The following CACNG2 variants were observed in gnomAD, a reference collection of about 807,000 sequenced individuals.
CACNG2 encodes the protein calcium voltage-gated channel auxiliary subunit gamma 2.
A neutral mutation model predicts 25.9 loss-of-function variants in CACNG2; 3 were observed. That is an observed-to-expected ratio of 0.12 (90% CI 0.05 to 0.30). CACNG2 has a LOEUF of 0.30. Among genes scored for constraint, CACNG2 ranks in the 10% least tolerant of loss-of-function variants. The probability of loss-of-function intolerance (pLI) is 1.00; values close to 1 mark genes in which losing one functional copy is unlikely to be tolerated. For synonymous variants in CACNG2, 167 were observed against 173.3 expected (o/e 0.96, Z 0.29); for missense variants, 341 against 432.5 (o/e 0.79, Z 1.88).
chr22:36,591,004 C>G (rs1935582625), intron 1 of CACNG2, among the ~76,000 whole-genome samples: 1 of 151,908 alleles, frequency 6.6e-6, no homozygotes, highest in Admixed American at 6.6e-5. Flanking sequence ...CCTCCACTAG[C>G]TGGCTAGTGC....
At chr22:36,579,454 C>T (rs1162107124) in intron 2 of CACNG2, among the ~76,000 whole-genome samples, 1 of 128,196 alleles carries the variant, frequency 7.8e-6, no homozygotes, top group African/African-American at 3.0e-5. Flanking sequence ...TTGTCAAATA[C>T]ATATAGGATC....
chr22:36,587,691 C>T (rs537282418), intron 1 of CACNG2, 143 bp from the exon 2 acceptor site: 164 of 738,634 alleles, frequency 2.2e-4, no homozygotes, highest in South Asian at 1.7e-3. Context: ...TCGCTTTGTC[C>T]GTTTGGACAT....
intron 1 of CACNG2, among the ~76,000 whole-genome samples, chr22:36,611,700 A>G (rs572822616): frequency 2.9e-4 from 44 of 152,286 alleles, no homozygotes; most frequent in Middle Eastern, 3.4e-3. Context: ...AAAGTGTGGG[A>G]GTCTGACCAG....
At chr22:36,655,745 TCTTC>T (rs1248403247) in intron 1 of CACNG2, among the ~76,000 whole-genome samples, 1 of 150,194 alleles carries the variant, frequency 6.7e-6, no homozygotes, top group African/African-American at 2.5e-5. Flanking sequence ...TCTCTTCCTT[TCTTC>T]CTTTCTTTCT....
At chr22:36,632,773 CT>C (rs1936295181) in intron 1 of CACNG2, among the ~76,000 whole-genome samples, 1 of 152,100 alleles carries the variant, frequency 6.6e-6, no homozygotes, top group Non-Finnish European at 1.5e-5. Flanking sequence ...TCCTCCTCAT[CT>C]TCTAGACCCC....
intron 1 of CACNG2, among the ~76,000 whole-genome samples, chr22:36,632,695 T>G (rs1019635087): frequency 5.9e-5 from 9 of 152,112 alleles, no homozygotes; most frequent in Admixed American, 4.6e-4. Context: ...CTCACTTGCC[T>G]TCGGGCACCC....
intron 1 of CACNG2, among the ~76,000 whole-genome samples, chr22:36,615,198 A>T (rs971895237): frequency 6.6e-6 from 1 of 152,218 alleles, no homozygotes; most frequent in African/African-American, 2.4e-5. Context: ...ATAAGGCTGC[A>T]TCTGATTTGG....
chr22:36,672,067 G>C (rs774401983), intron 1 of CACNG2, among the ~76,000 whole-genome samples: 14 of 152,210 alleles, frequency 9.2e-5, no homozygotes, highest in Non-Finnish European at 1.9e-4. Flanking sequence ...CCCACGGCAA[G>C]AGGTGAACAT....
intron 1 of CACNG2, among the ~76,000 whole-genome samples, chr22:36,636,270 C>A (rs958084963): frequency 1.3e-5 from 2 of 152,182 alleles, no homozygotes; most frequent in African/African-American, 4.8e-5. Flanking sequence ...GTTCCCTCTG[C>A]TCAGAATGCA....
chr22:36,682,417 T>G (rs2146005224), intron 1 of CACNG2, among the ~76,000 whole-genome samples: 1 of 152,130 alleles, frequency 6.6e-6, no homozygotes, highest in South Asian at 2.1e-4. Context: ...ATAGGTAGTG[T>G]TTTTCTTCCC....
intron 1 of CACNG2, among the ~76,000 whole-genome samples, chr22:36,660,144 T>C (rs1217747582): frequency 6.6e-6 from 1 of 152,268 alleles, no homozygotes; most frequent in Non-Finnish European, 1.5e-5. Flanking sequence ...TTATGTGTCA[T>C]TGTCCCTCAC....
At position 36,685,178 on chromosome 22, in the gene CACNG2, G is replaced by A. The variant is rs1601455683; in HGVS notation, c.211+17188C>T. ...AGCGTTTCTGGGGGCGGCAGGGGGT[G>A]TCTCTCCCAGCCTGGGGGCGGGCAG... On this transcript the variant is annotated intron_variant, in intron 1 of 3. Coordinates refer to ENST00000300105, the MANE Select transcript of CACNG2 (RefSeq NM_006078.5). Among the ~76,000 whole-genome samples the A allele has an allele frequency of 2.0e-5, 3 of 152,132 alleles. No homozygotes were observed. The South Asian group carries it at 6.2e-4, about 32-fold the overall frequency.
intron 1 of CACNG2, among the ~76,000 whole-genome samples, chr22:36,605,067 C>T (rs1372791640): frequency 3.3e-5 from 5 of 152,006 alleles, no homozygotes; most frequent in Non-Finnish European, 5.9e-5. Flanking sequence ...AAGCCACTGC[C>T]CTTGGCCCAA....
chr22:36,615,948 C>A (rs1026633525), intron 1 of CACNG2, among the ~76,000 whole-genome samples: 11 of 152,228 alleles, frequency 7.2e-5, no homozygotes, highest in Non-Finnish European at 1.6e-4. Context: ...ATTTATTCCT[C>A]ACATAATATT....
At chr22:36,702,272 A>G in intron 1 of CACNG2, 94 bp downstream of exon 1, 1 of 740,796 alleles carries the variant, frequency 1.3e-6, no homozygotes, top group South Asian at 1.7e-5. Context: ...AAATGGTGGA[A>G]TGTAAAGGGG....
At chr22:36,682,922 C>A (rs1569051503) in intron 1 of CACNG2, among the ~76,000 whole-genome samples, 1 of 152,108 alleles carries the variant, frequency 6.6e-6, no homozygotes, top group Non-Finnish European at 1.5e-5. Flanking sequence ...TAAAAAAAAT[C>A]TTCCTTTTTT....
At chr22:36,679,310 T>A (rs1937065266) in intron 1 of CACNG2, among the ~76,000 whole-genome samples, 1 of 151,700 alleles carries the variant, frequency 6.6e-6, no homozygotes, top group South Asian at 2.1e-4. Flanking sequence ...CAGTCAGGGG[T>A]TAAAGTCCTT....
intron 1 of CACNG2, among the ~76,000 whole-genome samples, chr22:36,597,938 C>G (rs987521109): frequency 1.3e-5 from 2 of 152,194 alleles, no homozygotes; most frequent in African/African-American, 4.8e-5. Context: ...CAAAGAGCTG[C>G]AAGTCTGTAA....
chr22:36,620,684 C>A (rs1041687177), intron 1 of CACNG2, among the ~76,000 whole-genome samples: 1 of 152,146 alleles, frequency 6.6e-6, no homozygotes, highest in Admixed American at 6.5e-5. Context: ...TTGTGACTAC[C>A]TACTGGGTTT....
Sources: gnomAD v4.1 joint callset for allele counts (sites outside exome capture counted in the v4.1 genomes callset) on GRCh38, gnomAD v4.1.1 for gene constraint, MANE v1.5 for transcripts, NCBI Gene and HGNC (gene_info 2026-07-23, HGNC 2026-07-21) for gene names.